FRS2: variants seen among roughly 807,000 people sequenced by gnomAD.
FRS2 encodes the protein fibroblast growth factor receptor substrate 2.
In FRS2, 8 loss-of-function variants were observed where a neutral mutation model predicts 43.9. That is an observed-to-expected ratio of 0.18 (90% CI 0.11 to 0.33). FRS2 has a LOEUF of 0.33. Among genes scored for constraint, FRS2 ranks in the 10% least tolerant of loss-of-function variants. The pLI is 1.00. For synonymous variants in FRS2, 219 were observed against 220.3 expected (o/e 0.99, Z 0.05); for missense variants, 534 against 627.6 (o/e 0.85, Z 1.59).
chr12:69,475,711 T>G (rs183733338), intron 1 of FRS2, among the ~76,000 whole-genome samples: 6 of 152,200 alleles, frequency 3.9e-5, no homozygotes, highest in African/African-American at 1.2e-4. Context: ...ATTGAATAGG[T>G]TAATATTTGG....
intron 3 of FRS2, among the ~76,000 whole-genome samples, chr12:69,558,355 C>G (rs548704573): frequency 6.6e-6 from 1 of 152,310 alleles, no homozygotes; most frequent in East Asian, 1.9e-4. Flanking sequence ...GGAAAGTATT[C>G]TGGTAGGACA....
At chr12:69,557,201 A>G (rs1032544167) in intron 3 of FRS2, among the ~76,000 whole-genome samples, 3 of 152,250 alleles carry the variant, frequency 2.0e-5, no homozygotes, top group Non-Finnish European at 2.9e-5. Context: ...GAGGTTTATT[A>G]TGAAGGTTAA....
rs531739094 is a variant in FRS2 at position 69,533,435 on chromosome 12, C to T, written c.-122+1379C>T. Among the ~76,000 whole-genome samples, 3 of 152,074 alleles carry T rather than the reference C, an allele frequency of 2.0e-5. 1 individual carries two copies. Among genetic ancestry groups the T allele is most frequent in the African/African-American group, 7.2e-5 (3 of 41,496 alleles). ...CGCGATCTTGGCTCACCACAGCCTCCGCCTCCTGGGTTCAAGTGATTTTCC... is the reference window on the plus strand; with the variant it reads ...CGCGATCTTGGCTCACCACAGCCTCTGCCTCCTGGGTTCAAGTGATTTTCC... On this transcript the variant is annotated intron_variant, in intron 3 of 8. Coordinates refer to ENST00000549921, the MANE Select transcript of FRS2 (RefSeq NM_001278356.2).
intron 3 of FRS2, among the ~76,000 whole-genome samples, chr12:69,560,069 A>C (rs533940282): frequency 6.6e-6 from 1 of 152,134 alleles, no homozygotes; most frequent in South Asian, 2.1e-4. Context: ...TTCTCTTTCC[A>C]TGTCATTCTG....
Position 69,575,096 on chromosome 12 carries a change from C to T in FRS2, c.*141C>T, listed in dbSNP as rs1881099836. ...CTGAATATTTCATGTGCATCTTTAACTAAAGGGAATTAATGTAGAGCAGGT... is the reference window on the plus strand; with the variant it reads ...CTGAATATTTCATGTGCATCTTTAATTAAAGGGAATTAATGTAGAGCAGGT... On this transcript the variant is annotated 3_prime_UTR_variant, in exon 9 of 9. Transcript: ENST00000549921. 1.6e-6 allele frequency: 1 copy of T among 607,804 alleles called. No homozygotes were observed. Among genetic ancestry groups the T allele is most frequent in the East Asian group, 2.7e-5 (1 of 36,472 alleles). 37.7% of individuals were successfully genotyped at this position (607,804 alleles called of 1,614,324 possible).
chr12:69,564,104 G>T (rs1307030027), intron 4 of FRS2, among the ~76,000 whole-genome samples: 2 of 151,976 alleles, frequency 1.3e-5, no homozygotes, highest in Non-Finnish European at 2.9e-5. Flanking sequence ...TTCTCAACCA[G>T]TTCTTCAAAG....
intron 1 of FRS2, among the ~76,000 whole-genome samples, chr12:69,529,074 G>C (rs1434239807): frequency 6.6e-6 from 1 of 152,186 alleles, no homozygotes; most frequent in Non-Finnish European, 1.5e-5. Context: ...TTAGACTACT[G>C]AGCTGGACTC....
chr12:69,485,930 C>T, intron 1 of FRS2, among the ~76,000 whole-genome samples: 1 of 152,274 alleles, frequency 6.6e-6, no homozygotes, highest in East Asian at 1.9e-4. Flanking sequence ...TACAAGGAAT[C>T]ATAAAAAATA....
intron 1 of FRS2, among the ~76,000 whole-genome samples, chr12:69,523,979 G>A (rs1045766718): frequency 3.9e-5 from 6 of 152,244 alleles, no homozygotes; most frequent in African/African-American, 1.2e-4. Flanking sequence ...AGCAGTGGCA[G>A]TGTGGACGTG....
chr12:69,487,813 G>GT (rs372456089), intron 1 of FRS2, among the ~76,000 whole-genome samples: 1 of 152,318 alleles, frequency 6.6e-6, no homozygotes, highest in African/African-American at 2.4e-5. Context: ...ATGGGAGGAG[G>GT]TAAAAATATC....
chr12:69,480,534 T>TA (rs1871262226), intron 1 of FRS2, among the ~76,000 whole-genome samples: 1 of 152,156 alleles, frequency 6.6e-6, no homozygotes. Context: ...GCGGCGATCA[T>TA]AGCACACTAC....
chr12:69,536,182 T>C (rs1877287003), intron 3 of FRS2, among the ~76,000 whole-genome samples: 1 of 131,682 alleles, frequency 7.6e-6, no homozygotes, highest in Non-Finnish European at 1.6e-5. Flanking sequence ...TGGAGTGTAG[T>C]GGCATGATCT....
chr12:69,470,496 C>A lies in FRS2; in HGVS notation c.-295C>A, dbSNP rs1870151383. 9 of 398,678 alleles carry A rather than the reference C, an allele frequency of 2.3e-5. No homozygotes were observed. The East Asian group carries it at 3.2e-4, about 14-fold the overall frequency. 24.7% of individuals were successfully genotyped at this position (398,678 alleles called of 1,614,324 possible). ...AGTCTGGGGGTTCGCGCCCGCCGAC[C>A]CGCGCCCTGCTCCCTCTCAGCACCT... is the stretch of plus-strand genomic sequence containing the variant. On this transcript the variant is annotated 5_prime_UTR_variant, in exon 1 of 9. Coordinates refer to ENST00000549921, the MANE Select transcript of FRS2 (RefSeq NM_001278356.2).
intron 3 of FRS2, among the ~76,000 whole-genome samples, chr12:69,547,737 A>G (rs1878531022): frequency 6.6e-6 from 1 of 151,922 alleles, no homozygotes; most frequent in African/African-American, 2.4e-5. Context: ...TTCCATTATT[A>G]ATGAGTTAAA....
chr12:69,507,989 A>C (rs1299047184), intron 1 of FRS2, among the ~76,000 whole-genome samples: 1 of 129,650 alleles, frequency 7.7e-6, no homozygotes, highest in African/African-American at 3.0e-5. Flanking sequence ...GCGCCATTGC[A>C]CTCCAGCCTG....
intron 1 of FRS2, among the ~76,000 whole-genome samples, chr12:69,483,587 T>C (rs1042310722): frequency 1.3e-5 from 2 of 152,118 alleles, no homozygotes; most frequent in African/African-American, 4.8e-5. Context: ...ACTTATAGTA[T>C]ATACTCAATT....
rs1358238798 is a variant in FRS2 at position 69,562,223 on chromosome 12, T to C, written c.-78T>C. ...GAAAACATGGTATTTTGAAATATGATTAAACTCCTGATGCTGCAGCAGAGG... is the reference window on the plus strand; with the variant it reads ...GAAAACATGGTATTTTGAAATATGACTAAACTCCTGATGCTGCAGCAGAGG... On this transcript the variant is annotated 5_prime_UTR_variant, in exon 4 of 9. Transcript: ENST00000549921. 7.5e-6 allele frequency: 3 copies of C among 398,304 alleles called. No individual in the cohort carries two copies. Among genetic ancestry groups the C allele is most frequent in the Admixed American group, 8.8e-5 (2 of 22,718 alleles). The allele number at this position is 398,304 out of a possible 1,614,324, so 24.7% of individuals were successfully genotyped here. A position where few individuals can be genotyped will look rare whatever the true frequency, so the allele number is the denominator to read the frequency against.
At chr12:69,499,945 A>T (rs761681785) in intron 1 of FRS2, among the ~76,000 whole-genome samples, 1 of 152,172 alleles carries the variant, frequency 6.6e-6, no homozygotes, top group East Asian at 1.9e-4. Flanking sequence ...AATGGCCACA[A>T]TTCTGGTCAG....
intron 1 of FRS2, among the ~76,000 whole-genome samples, chr12:69,484,727 A>T (rs1308329630): frequency 6.6e-6 from 1 of 152,156 alleles, no homozygotes; most frequent in Non-Finnish European, 1.5e-5. Context: ...TACCCCTGGG[A>T]GACTACAGTC....
Sources: gnomAD v4.1 joint callset for allele counts (sites outside exome capture counted in the v4.1 genomes callset) on GRCh38, gnomAD v4.1.1 for gene constraint, MANE v1.5 for transcripts, NCBI Gene and HGNC (gene_info 2026-07-23, HGNC 2026-07-21) for gene names.